The following TNFRSF11A variants were observed in gnomAD, a reference collection of about 807,000 sequenced individuals.
TNFRSF11A encodes the protein tumor necrosis factor receptor superfamily member 11A.
Under a neutral mutation model 55.7 loss-of-function variants are expected in TNFRSF11A, and 32 were observed. The observed-to-expected ratio is 0.57, with a 90% CI of 0.43 to 0.77. The LOEUF (loss-of-function observed/expected upper bound fraction) is 0.77. TNFRSF11A is among the 30% of genes least tolerant of loss of function. TNFRSF11A has a pLI of 0.00. For synonymous variants in TNFRSF11A, 311 were observed against 331.0 expected (o/e 0.94, Z 0.65); for missense variants, 753 against 809.8 (o/e 0.93, Z 0.85).
At chr18:62,376,879 A>G (rs181428971) in intron 9 of TNFRSF11A, among the ~76,000 whole-genome samples, 76 of 152,242 alleles carry the variant, frequency 5.0e-4, no homozygotes, top group Admixed American at 1.1e-3. Flanking sequence ...TATGAATCTA[A>G]GTTTCCTCCA....
intron 9 of TNFRSF11A, among the ~76,000 whole-genome samples, chr18:62,380,339 T>A (rs1453133712): frequency 6.6e-6 from 1 of 152,246 alleles, no homozygotes; most frequent in Admixed American, 6.5e-5. Context: ...TTGTCATTAA[T>A]TTTAGGTTTG....
chr18:62,333,284 G>T (rs555025147), intron 1 of TNFRSF11A, among the ~76,000 whole-genome samples: 2 of 152,136 alleles, frequency 1.3e-5, no homozygotes, highest in Non-Finnish European at 2.9e-5. Flanking sequence ...CCGGGAACTC[G>T]TTAGAAATGC....
In TNFRSF11A at chr18:62,358,722, C is replaced by T. The variant is rs1600390622; in HGVS notation, c.521+381C>T. On this transcript the variant is annotated intron_variant, in intron 5 of 9. Transcript: ENST00000586569. ...TGTGTGTGTGTGTACATATAGAAGC[C>T]TCCTGTTTATATAAATGTTTGCATG... Among the ~76,000 whole-genome samples the T allele has an allele frequency of 3.9e-5, 6 of 152,272 alleles. No homozygotes were observed. In the South Asian group the frequency reaches 1.2e-3, roughly 32 times the overall value.
At chr18:62,337,568 A>G (rs530828292) in intron 1 of TNFRSF11A, among the ~76,000 whole-genome samples, 1 of 152,244 alleles carries the variant, frequency 6.6e-6, no homozygotes, top group African/African-American at 2.4e-5. Context: ...GCCTTGGCAA[A>G]TATGTCCACC....
At chr18:62,384,652 C>G in intron 9 of TNFRSF11A, 99 bp from the exon 10 acceptor site, 1 of 1,452,276 alleles carries the variant, frequency 6.9e-7, no homozygotes, top group Non-Finnish European at 9.4e-7. Flanking sequence ...TGTGGGAATC[C>G]GGGGAGCCGC....
At position 62,325,481 on chromosome 18, in the gene TNFRSF11A, C is replaced by T; in HGVS notation, c.75+54C>T. On this transcript the variant is annotated intron_variant, in intron 1 of 9. Transcript: ENST00000586569. This position sits in a 1 kb window ranked among gnomAD's most constrained non-coding sequence, Gnocchi z 4.7. ...CGCGGCCCGACGCCTCCTCGGGAGC[C>T]CCGGGAAGGGCCGGGGCCGGCGGCA... 2 of 1,172,102 alleles carry T rather than the reference C, an allele frequency of 1.7e-6. No homozygotes were observed. The highest frequency in any genetic ancestry group is 2.1e-6 in the Non-Finnish European group (2 of 934,064). The allele number at this position is 1,172,102 out of a possible 1,614,324, so 72.6% of individuals were successfully genotyped here.
chr18:62,352,217 T>TACAATCAG (rs1477789287), intron 3 of TNFRSF11A, among the ~76,000 whole-genome samples: 1 of 152,260 alleles, frequency 6.6e-6, no homozygotes, highest in Non-Finnish European at 1.5e-5. Context: ...TGTCTTAAAC[T>TACAATCAG]ACAATCAGAC....
chr18:62,337,549 C>A lies in TNFRSF11A; in HGVS notation c.76-10619C>A, dbSNP rs139843436. Reference sequence around the variant, plus strand: ...TTTCTCCGTCAAGCCGTGCATGCTTCCTCCAAGGGCCTTGGCAAATATGTC... The same window carrying A: ...TTTCTCCGTCAAGCCGTGCATGCTTACTCCAAGGGCCTTGGCAAATATGTC... On this transcript the variant is annotated intron_variant, in intron 1 of 9. Transcript: ENST00000586569. 2.2e-4 allele frequency among the ~76,000 whole-genome samples: 34 copies of A among 152,342 alleles called. 1 individual carries two copies. In the East Asian group the frequency reaches 5.8e-3, roughly 26 times the overall value.
chr18:62,369,325 C>T lies in TNFRSF11A; in HGVS notation c.1408C>T (p.Pro470Ser). Residue 470 changes from proline to serine, a missense_variant, in exon 9 of 10, where the codon CCC becomes TCC. This residue lies in a region of TNFRSF11A where 567 missense variants were observed against 596.7 expected (regional missense o/e 0.95). Transcript: ENST00000586569. ...LVGSPKRGPLPQCAYGMGLPP... is the reference protein window; with the variant it reads ...LVGSPKRGPLSQCAYGMGLPP... ...GGGTTCCCCAAAACGTGGACCCTTG[C>T]CCCAGTGCGCCTATGGCATGGGCCT... 6.2e-7 allele frequency: 1 copy of T among 1,609,688 alleles called. No homozygotes were observed. The highest frequency in any genetic ancestry group is 1.7e-4 in the Middle Eastern group (1 of 6,042).
At chr18:62,351,910 C>T (rs1049942321) in intron 3 of TNFRSF11A, among the ~76,000 whole-genome samples, 4 of 152,226 alleles carry the variant, frequency 2.6e-5, no homozygotes, top group African/African-American at 7.2e-5. Context: ...GATTCTCCTG[C>T]CTTGGCCTCC....
intron 9 of TNFRSF11A, among the ~76,000 whole-genome samples, chr18:62,371,269 C>T (rs931015684): frequency 5.3e-5 from 8 of 152,054 alleles, no homozygotes; most frequent in Non-Finnish European, 1.2e-4. Flanking sequence ...AGGGGCAGAC[C>T]GGTTTTTCAG....
At chr18:62,349,148 A>G (rs1434556920) in intron 2 of TNFRSF11A, among the ~76,000 whole-genome samples, 1 of 151,322 alleles carries the variant, frequency 6.6e-6, no homozygotes, top group Non-Finnish European at 1.5e-5. Flanking sequence ...GGCCCAGTTT[A>G]AAATCATCAT....
intron 3 of TNFRSF11A, among the ~76,000 whole-genome samples, chr18:62,350,590 C>A (rs2046453313): frequency 6.6e-6 from 1 of 152,184 alleles, no homozygotes; most frequent in Non-Finnish European, 1.5e-5. Context: ...CCGTGCCCGG[C>A]CTATCCCCTT....
rs774750746 is a variant in TNFRSF11A, at chr18:62,369,069, C to A, written c.1152C>A (p.Asp384Glu). Residue 384 changes from aspartate to glutamate, a missense_variant, in exon 9 of 10, where the codon GAC (aspartate) becomes GAA (glutamate). Physicochemically the swap from Asp to Glu is conservative, Grantham distance 45. This residue lies in a region of TNFRSF11A where 567 missense variants were observed against 596.7 expected (regional missense o/e 0.95). Transcript: ENST00000586569. ...AACCCCTGGAGGTGGGGGAGAATGA[C>A]AGTTTAAGCCAGTGCTTCACGGGGA... ...FSEPLEVGEN[D>E]SLSQCFTGTQ... The A allele has an allele frequency of 2.5e-6, 4 of 1,614,162 alleles. No homozygotes were observed. The highest frequency in any genetic ancestry group is 3.4e-6 in the Non-Finnish European group (4 of 1,180,048).
At chr18:62,374,147 G>C (rs1317246310) in intron 9 of TNFRSF11A, 2 of 152,150 alleles carry the variant, frequency 1.3e-5, no homozygotes, top group Non-Finnish European at 1.5e-5. Context: ...AGCTTTCATT[G>C]CTGTAAAACA....
At chr18:62,357,979 A>AACACAGG (rs1165405725) in intron 4 of TNFRSF11A, 4 of 459,702 alleles carry the variant, frequency 8.7e-6, no homozygotes, top group African/African-American at 5.9e-5. Flanking sequence ...GACATCACAT[A>AACACAGG]CCAGTGTTAG....
intron 8 of TNFRSF11A, among the ~76,000 whole-genome samples, chr18:62,367,623 T>A (rs181462984): frequency 1.8e-4 from 28 of 152,230 alleles, no homozygotes; most frequent in Admixed American, 1.6e-3. Flanking sequence ...AATATTTCAG[T>A]GTGTATTTAA....
intron 3 of TNFRSF11A, among the ~76,000 whole-genome samples, chr18:62,351,178 T>A (rs2046466077): frequency 6.6e-6 from 1 of 152,036 alleles, no homozygotes; most frequent in Admixed American, 6.5e-5. Context: ...AATTTTTGTA[T>A]TTTTAGTAGG....
chr18:62,342,556 A>C (rs891127084), intron 1 of TNFRSF11A, among the ~76,000 whole-genome samples: 14 of 152,062 alleles, frequency 9.2e-5, no homozygotes, highest in African/African-American at 3.1e-4. Context: ...TTTTGCTGCG[A>C]ATCACCATGG....
Sources: gnomAD v4.1 joint callset for allele counts (sites outside exome capture counted in the v4.1 genomes callset) on GRCh38, gnomAD v4.1.1 for gene constraint, gnomAD v4.1.1 regional missense constraint, Gnocchi (gnomAD v3.1) non-coding constraint, MANE v1.5 for transcripts, NCBI Gene and HGNC (gene_info 2026-07-23, HGNC 2026-07-21) for gene names.